GPC3: variants seen among roughly 807,000 people sequenced by gnomAD.
GPC3 encodes glypican-3.
A neutral mutation model predicts 34.4 loss-of-function variants in GPC3; 3 were observed. The ratio of observed to expected loss-of-function variants is 0.09; its 90% CI spans 0.04 to 0.23. The LOEUF is 0.23. Ranked by LOEUF, GPC3 falls within the 10% of genes least tolerant of loss-of-function variation. The pLI is 1.00. For synonymous variants in GPC3, 177 were observed against 174.0 expected (o/e 1.02, Z -0.13); for missense variants, 351 against 445.6 (o/e 0.79, Z 1.91).
At chrX:133,598,090 T>C (rs1469001865) in intron 6 of GPC3, among the ~76,000 whole-genome samples, 2 of 112,434 alleles carry the variant, frequency 1.8e-5, no homozygotes, top group Non-Finnish European at 3.7e-5. Flanking sequence ...AACTGAGAAA[T>C]TTTAAAAATA....
intron 2 of GPC3, among the ~76,000 whole-genome samples, chrX:133,916,304 G>A (rs1164882531): frequency 3.6e-5 from 4 of 111,322 alleles, no homozygotes; most frequent in Non-Finnish European, 7.5e-5. Context: ...AAAATGGTAT[G>A]TATACTACAA....
intron 2 of GPC3, among the ~76,000 whole-genome samples, chrX:133,858,906 C>T (rs1156508863): frequency 9.1e-6 from 1 of 109,380 alleles, no homozygotes; most frequent in Non-Finnish European, 1.9e-5. Flanking sequence ...ATGGTGAAAC[C>T]CCGTCTCTAC....
intron 1 of GPC3, among the ~76,000 whole-genome samples, chrX:133,977,406 T>C (rs1602575779): frequency 1.8e-5 from 2 of 112,513 alleles, no homozygotes; most frequent in Non-Finnish European, 3.8e-5. Flanking sequence ...TCTGCACACA[T>C]GCAAATTTCC....
intron 2 of GPC3, among the ~76,000 whole-genome samples, chrX:133,853,947 C>T (rs2075887945): frequency 8.9e-6 from 1 of 111,963 alleles, no homozygotes; most frequent in South Asian, 3.7e-4. Context: ...CTTTAAGCCT[C>T]AGTTTCCTTA....
intron 2 of GPC3, among the ~76,000 whole-genome samples, chrX:133,805,111 T>C (rs913457084): frequency 6.2e-5 from 7 of 112,315 alleles, no homozygotes; most frequent in African/African-American, 1.9e-4. Flanking sequence ...TTGAGTTGTG[T>C]TGAGTATATG....
chrX:133,763,195 C>T (rs2071813443), intron 2 of GPC3: 3 of 637,222 alleles, frequency 4.7e-6, no homozygotes, highest in Non-Finnish European at 7.8e-6. Flanking sequence ...CCACCAGCCT[C>T]TCACAGAGGC....
intron 2 of GPC3, among the ~76,000 whole-genome samples, chrX:133,920,920 C>G (rs778340709): frequency 8.9e-6 from 1 of 111,898 alleles, no homozygotes; most frequent in African/African-American, 3.2e-5. Context: ...ATTAACTGAA[C>G]TACCACCTTT....
intron 2 of GPC3, among the ~76,000 whole-genome samples, chrX:133,952,508 G>T (rs933009368): frequency 8.9e-6 from 1 of 111,916 alleles, no homozygotes; most frequent in Non-Finnish European, 1.9e-5. Context: ...TTTCCTACCC[G>T]TTCTGGCAAT....
At chrX:133,659,682 C>A (rs957903022) in intron 6 of GPC3, among the ~76,000 whole-genome samples, 1 of 111,871 alleles carries the variant, frequency 8.9e-6, no homozygotes, top group Non-Finnish European at 1.9e-5. Context: ...GTCCCTGGCA[C>A]CTGGCTGAGT....
intron 5 of GPC3, among the ~76,000 whole-genome samples, chrX:133,677,080 T>C (rs1343427622): frequency 8.9e-6 from 1 of 111,812 alleles, no homozygotes; most frequent in Non-Finnish European, 1.9e-5. Flanking sequence ...AGAAGCCCCA[T>C]TGGAGTTATG....
chrX:133,610,697 C>T (rs2070100288), intron 6 of GPC3, among the ~76,000 whole-genome samples: 1 of 103,173 alleles, frequency 9.7e-6, no homozygotes, highest in Admixed American at 1.1e-4. Context: ...TAGCTAGATG[C>T]AACAGGAGAG....
intron 2 of GPC3, among the ~76,000 whole-genome samples, chrX:133,942,774 C>T (rs1458309145): frequency 1.8e-5 from 2 of 111,894 alleles, no homozygotes; most frequent in Middle Eastern, 4.6e-3. Flanking sequence ...CAAGGTCTCA[C>T]ATAATCAGGA....
At chrX:133,613,688 A>G (rs907282710) in intron 6 of GPC3, among the ~76,000 whole-genome samples, 3 of 112,309 alleles carry the variant, frequency 2.7e-5, no homozygotes, top group African/African-American at 9.7e-5. Context: ...TCATGAACAA[A>G]TGGAGATTTA....
chrX:133,826,586 C>T (rs2075747836), intron 2 of GPC3, among the ~76,000 whole-genome samples: 1 of 110,701 alleles, frequency 9.0e-6, no homozygotes, highest in Non-Finnish European at 1.9e-5. Context: ...TAATTGTTGT[C>T]CCAGAAGAAG....
At chrX:133,717,931 T>G (rs1246854972) in intron 3 of GPC3, among the ~76,000 whole-genome samples, 2 of 111,327 alleles carry the variant, frequency 1.8e-5, no homozygotes, top group East Asian at 5.6e-4. Context: ...CAAGGAACAC[T>G]AGAAGGAGTC....
Position 133,535,978 on chromosome X carries a change from C to A in GPC3, c.*146G>T, listed in dbSNP as rs1417613891. Reference sequence around the variant, plus strand: ...TACCATTTGATTTTCGAAAACATAACACATGGTTAGTCCTCTACTTCATGG... The same window carrying A: ...TACCATTTGATTTTCGAAAACATAAAACATGGTTAGTCCTCTACTTCATGG... On this transcript the variant is annotated 3_prime_UTR_variant, in exon 8 of 8. Transcript: ENST00000370818. 6.5e-6 allele frequency: 3 copies of A among 461,272 alleles called. No individual in the cohort carries two copies. Among genetic ancestry groups the A allele is most frequent in the African/African-American group, 2.5e-5 (1 of 40,108 alleles). 38.0% of individuals were successfully genotyped at this position (461,272 alleles called of 1,213,427 possible).
chrX:133,856,788 A>G (rs984618296), intron 2 of GPC3, among the ~76,000 whole-genome samples: 1 of 112,019 alleles, frequency 8.9e-6, no homozygotes, highest in Non-Finnish European at 1.9e-5. Context: ...GAAGTAGCAA[A>G]GACTAAGGTG....
At chrX:133,899,601 T>G (rs894252678) in intron 2 of GPC3, among the ~76,000 whole-genome samples, 2 of 110,941 alleles carry the variant, frequency 1.8e-5, no homozygotes, top group African/African-American at 6.6e-5. Flanking sequence ...TCTGAATCAT[T>G]ATTGTATGTA....
intron 2 of GPC3, among the ~76,000 whole-genome samples, chrX:133,824,673 A>T (rs1041996312): frequency 2.7e-5 from 3 of 111,416 alleles, no homozygotes; most frequent in African/African-American, 9.8e-5. Flanking sequence ...TACATAACAT[A>T]TATCTCTAGC....
Sources: gnomAD v4.1 joint callset for allele counts (sites outside exome capture counted in the v4.1 genomes callset) on GRCh38, gnomAD v4.1.1 for gene constraint, MANE v1.5 for transcripts, NCBI Gene and HGNC (gene_info 2026-07-23, HGNC 2026-07-21) for gene names.